The following CACNA1G variants were observed in gnomAD, a reference collection of about 807,000 sequenced individuals.
The protein encoded by CACNA1G is calcium voltage-gated channel subunit alpha1 G, also known as voltage-dependent T-type calcium channel subunit alpha-1G.
In CACNA1G, 67 loss-of-function variants were observed where a neutral mutation model predicts 219.4. The observed-to-expected ratio is 0.31, with a 90% CI of 0.25 to 0.37. The LOEUF is 0.37. CACNA1G is among the 10% of genes least tolerant of loss of function. The pLI is 1.00. For synonymous variants in CACNA1G, 1,296 were observed against 1,345.3 expected, an observed-to-expected ratio of 0.96 and a Z score of 0.80; for missense variants, 2,380 against 3,231.4, an observed-to-expected ratio of 0.74 and a Z score of 6.39.
chr17:50,578,552 A>G lies in CACNA1G; in HGVS notation c.2289A>G (p.Glu763=). The G allele has an allele frequency of 1.3e-6, 2 of 1,558,266 alleles. No individual in the cohort carries two copies. Among genetic ancestry groups the G allele is most frequent in the South Asian group, 1.2e-5 (1 of 81,830 alleles). Residue 763 remains glutamate, a synonymous_variant, in exon 9 of 38, where the codon GAA becomes GAG. Coordinates refer to ENST00000359106, the MANE Select transcript of CACNA1G (RefSeq NM_018896.5). This position sits in a 1 kb window ranked among gnomAD's most constrained non-coding sequence, Gnocchi z 4.5. The stretch of plus-strand genomic sequence containing the variant: ...TCAACACACTCAGCATGGGCATCGA[A>G]TACCACGAGCAGGTAGGAGAGTGGG... ...ILVNTLSMGI[E]YHEQPEELTN...
chr17:50,585,725 G>A (rs1366643805), intron 9 of CACNA1G, among the ~76,000 whole-genome samples: 2 of 152,166 alleles, frequency 1.3e-5, no homozygotes, highest in African/African-American at 4.8e-5. Flanking sequence ...AGGCCTGTGA[G>A]ATTTCCAGGA....
intron 1 of CACNA1G, 122 bp from the exon 2 acceptor site, chr17:50,568,748 G>A: frequency 2.6e-6 from 2 of 758,576 alleles, no homozygotes; most frequent in South Asian, 2.9e-5. Context: ...TCAGGGCCCT[G>A]GCACCACACC....
Position 50,603,316 on chromosome 17 carries a change from C to T in CACNA1G, c.4169+117C>T. ...AAGCCTGCACAGGCCAGCATCCTGT[C>T]TGTGACCCCCACAGGCGATCCTGTC... On this transcript the variant is annotated intron_variant, in intron 21 of 37. Coordinates refer to ENST00000359106, the MANE Select transcript of CACNA1G (RefSeq NM_018896.5). The surrounding 1 kb of genome is among the most constrained non-coding windows in gnomAD (Gnocchi z 6.4). The T allele has an allele frequency of 2.3e-6, 2 of 858,252 alleles. No individual in the cohort carries two copies. The allele number at this position is 858,252 out of a possible 1,614,324, so 53.2% of individuals were successfully genotyped here.
At position 50,603,817 on chromosome 17, in the gene CACNA1G, A is replaced by G. The variant is rs950240720; in HGVS notation, c.4170-338A>G. Among the ~76,000 whole-genome samples the G allele has an allele frequency of 6.6e-6, 1 of 151,406 alleles. No homozygotes were observed. The highest frequency in any genetic ancestry group is 1.5e-5 in the Non-Finnish European group (1 of 67,874). On this transcript the variant is annotated intron_variant, in intron 21 of 37. Transcript: ENST00000359106. The surrounding 1 kb of genome is among the most constrained non-coding windows in gnomAD (Gnocchi z 6.4). Reference sequence around the variant, plus strand: ...TTCCCCTCTCTGCCTGCTCCCCTACAAGTTTATCTCCTGGTGCCCCCAACC... The same window carrying G: ...TTCCCCTCTCTGCCTGCTCCCCTACGAGTTTATCTCCTGGTGCCCCCAACC...
chr17:50,590,675 G>A (rs929540736), intron 10 of CACNA1G, 53 bp downstream of exon 10: 14 of 1,575,988 alleles, frequency 8.9e-6, no homozygotes, highest in Middle Eastern at 3.4e-4. Context: ...AGCAGGGGTG[G>A]CTTGGGGCCA....
chr17:50,624,259 G>A (rs913453546), intron 36 of CACNA1G, 101 bp from the exon 37 acceptor site: 47 of 1,266,532 alleles, frequency 3.7e-5, no homozygotes, highest in Non-Finnish European at 5.2e-5. Flanking sequence ...CCTGATGAGG[G>A]GGAGAGAGTG....
chr17:50,591,456 GC>G lies in CACNA1G; in HGVS notation c.2476del (p.Gln826ArgfsTer13). On this transcript the variant is annotated frameshift_variant, in exon 11 of 38. Transcript: ENST00000359106. LOFTEE classifies it high-confidence loss of function. ...VISVWEIVGQ[Q>X]GGGLSVLRTF... Reference sequence around the variant, plus strand: ...GCAGCGTGTGGGAGATCGTGGGCCAGCAGGGGGGCGGCCTGTCGGTGCTGCG... The same window carrying G: ...GCAGCGTGTGGGAGATCGTGGGCCAGAGGGGGGCGGCCTGTCGGTGCTGCG... 1 of 1,587,002 alleles carries G rather than the reference GC, an allele frequency of 6.3e-7. No individual in the cohort carries two copies. The highest frequency in any genetic ancestry group is 8.6e-7 in the Non-Finnish European group (1 of 1,167,906).
At chr17:50,601,977 G>A (rs1030927052) in intron 19 of CACNA1G, among the ~76,000 whole-genome samples, 1 of 152,170 alleles carries the variant, frequency 6.6e-6, no homozygotes, top group African/African-American at 2.4e-5. Flanking sequence ...GGAGCCTGAG[G>A]AATGGCGGGA....
chr17:50,591,329 G>A (rs1270716139), intron 10 of CACNA1G, 106 bp from the exon 11 acceptor site: 37 of 1,162,948 alleles, frequency 3.2e-5, no homozygotes, highest in Middle Eastern at 2.5e-4. Context: ...ATTTTCTCTC[G>A]ACGTGCCCAC....
chr17:50,609,943 G>T lies in CACNA1G; in HGVS notation c.4759+8G>T. ...CAGCCAGCGCTGCGTCAGGTACTGC[G>T]TCTGGGGTGTGGGCTCATGCGTGTG... is the stretch of plus-strand genomic sequence containing the variant. On this transcript the variant is annotated splice_region_variant and intron_variant, in intron 26 of 37. Transcript: ENST00000359106. 1 of 1,608,904 alleles carries T rather than the reference G, an allele frequency of 6.2e-7. No individual in the cohort carries two copies.
chr17:50,571,144 T>G lies in CACNA1G; in HGVS notation c.587-734T>G, dbSNP rs2039355562. Among the ~76,000 whole-genome samples, 1 of 152,142 alleles carries G rather than the reference T, an allele frequency of 6.6e-6. No individual in the cohort carries two copies. The highest frequency in any genetic ancestry group is 6.5e-5 in the Admixed American group (1 of 15,278). Reference sequence around the variant, plus strand: ...TTTCCCTATGGAGGGGGTTGTAAATTGATGGACTTCTGAGAAGACAGTATT... The same window carrying G: ...TTTCCCTATGGAGGGGGTTGTAAATGGATGGACTTCTGAGAAGACAGTATT... On this transcript the variant is annotated intron_variant, in intron 4 of 37. Coordinates refer to ENST00000359106, the MANE Select transcript of CACNA1G (RefSeq NM_018896.5). The surrounding 1 kb of genome is among the most constrained non-coding windows in gnomAD (Gnocchi z 4.3).
At chr17:50,591,344 C>A in intron 10 of CACNA1G, 91 bp from the exon 11 acceptor site, 14 of 1,300,028 alleles carry the variant, frequency 1.1e-5, no homozygotes, top group Non-Finnish European at 1.4e-5. Flanking sequence ...GCCCACCCAG[C>A]CAGGCCCTTG....
chr17:50,578,074 AC>A lies in CACNA1G; in HGVS notation c.1925-110del. The A allele has an allele frequency of 7.8e-7, 1 of 1,289,570 alleles. No individual in the cohort carries two copies. Among genetic ancestry groups the A allele is most frequent in the African/African-American group, 1.5e-5 (1 of 67,140 alleles). The allele number at this position is 1,289,570 out of a possible 1,614,324, so 79.9% of individuals were successfully genotyped here. ...ACCCCTGGCCCACTAAGTGCCTAGC[AC>A]CCCATCACTGTAACAACCCCAGACT... On this transcript the variant is annotated intron_variant, in intron 8 of 37. Transcript: ENST00000359106. The surrounding 1 kb of genome is among the most constrained non-coding windows in gnomAD (Gnocchi z 4.5).
chr17:50,580,155 C>A (rs1018346093), intron 9 of CACNA1G, among the ~76,000 whole-genome samples: 2 of 152,102 alleles, frequency 1.3e-5, no homozygotes, highest in African/African-American at 2.4e-5. Context: ...GCGCACTTGA[C>A]ACCACGGTGG....
rs1405335858 is a variant in CACNA1G, at chr17:50,603,390, G to A, written c.4169+191G>A. Among the ~76,000 whole-genome samples, 1 of 152,140 alleles carries A rather than the reference G, an allele frequency of 6.6e-6. No homozygotes were observed. Among genetic ancestry groups the A allele is most frequent in the Admixed American group, 6.5e-5 (1 of 15,276 alleles). On this transcript the variant is annotated intron_variant, in intron 21 of 37. Coordinates refer to ENST00000359106, the MANE Select transcript of CACNA1G (RefSeq NM_018896.5). The surrounding 1 kb of genome is among the most constrained non-coding windows in gnomAD (Gnocchi z 6.4). ...TACGGCCGCAGTAATTTCCCTCCAG[G>A]TGCACACCTGCTTTCCTCCTCTTCA...
At position 50,578,463 on chromosome 17, in the gene CACNA1G, G is replaced by A; in HGVS notation, c.2200G>A (p.Asp734Asn). Reference protein sequence around the residue: ...SVLAFWRLICDTFRKIVDSKY... With the variant: ...SVLAFWRLICNTFRKIVDSKY... Reference sequence around the variant, plus strand: ...GCTGGCCTTCTGGAGGCTAATCTGTGACACCTTCCGAAAGATTGTGGACAG... The same window carrying A: ...GCTGGCCTTCTGGAGGCTAATCTGTAACACCTTCCGAAAGATTGTGGACAG... Residue 734 changes from aspartate (D) to asparagine (N), a missense_variant, in exon 9 of 38, where the codon GAC becomes AAC. By Grantham distance (23) the Asp-to-Asn change is conservative. Coordinates refer to ENST00000359106, the MANE Select transcript of CACNA1G (RefSeq NM_018896.5). The surrounding 1 kb of genome is among the most constrained non-coding windows in gnomAD (Gnocchi z 4.5). The A allele has an allele frequency of 6.3e-7, 1 of 1,596,688 alleles. No individual in the cohort carries two copies. Among genetic ancestry groups the A allele is most frequent in the Non-Finnish European group, 8.6e-7 (1 of 1,169,516 alleles).
rs372375481 is a variant in CACNA1G at position 50,599,665 on chromosome 17, C to G, written c.3496C>G (p.Arg1166Gly). The change falls in exon 17 of 38, where the codon CGG becomes GGG. Residue 1166 changes from arginine (R) to glycine (G), a missense_variant. Around this residue, in one of 17 missense-constraint regions of CACNA1G, gnomAD observed 418 missense variants for 434.3 expected, o/e 0.96. Transcript: ENST00000359106. ...SDHRHRGSLE[R>G]EAKSSFDLPD... is the part of the protein sequence containing the mutation. Reference sequence around the variant, plus strand: ...CCATCGCCACAGGGGGTCCCTGGAGCGGGAGGCCAAGAGTTCCTTTGACCT... The same window carrying G: ...CCATCGCCACAGGGGGTCCCTGGAGGGGGAGGCCAAGAGTTCCTTTGACCT... The G allele has an allele frequency of 1.2e-6, 2 of 1,612,952 alleles. No homozygotes were observed. Among genetic ancestry groups the G allele is most frequent in the Non-Finnish European group, 1.7e-6 (2 of 1,179,444 alleles).
chr17:50,575,842 C>A lies in CACNA1G; in HGVS notation c.1440C>A (p.Ser480Arg), dbSNP rs373474239. The A allele has an allele frequency of 6.5e-7, 1 of 1,549,664 alleles. No homozygotes were observed. The highest frequency in any genetic ancestry group is 8.7e-7 in the Non-Finnish European group (1 of 1,147,246). The change falls in exon 8 of 38, where the codon AGC becomes AGA. Residue 480 changes from serine (S) to arginine (R), a missense_variant. Ser to Arg is a moderately radical substitution (Grantham distance 110). Around this residue, in one of 17 missense-constraint regions of CACNA1G, gnomAD observed 434 missense variants for 417.3 expected, o/e 1.04. Coordinates refer to ENST00000359106, the MANE Select transcript of CACNA1G (RefSeq NM_018896.5). ...GGGGCCAGGAGACCCAGCCCAGCAG[C>A]AGCTGCTCTCGCTCCCACCGCCGCC... ...PLGGQETQPS[S>R]SCSRSHRRLS...
At position 50,618,257 on chromosome 17, in the gene CACNA1G, C is replaced by G; in HGVS notation, c.5341C>G (p.Arg1781Gly). 6.2e-7 allele frequency: 1 copy of G among 1,613,824 alleles called. No individual in the cohort carries two copies. The highest frequency in any genetic ancestry group is 8.5e-7 in the Non-Finnish European group (1 of 1,179,816). ...DETHPCEGLG[R>G]HATFRNFGMA... ...GACACACCCCTGTGAGGGCCTGGGCCGTCATGCCACCTTTCGGAACTTTGG... is the reference window on the plus strand; with the variant it reads ...GACACACCCCTGTGAGGGCCTGGGCGGTCATGCCACCTTTCGGAACTTTGG... The change falls in exon 32 of 38, where the codon CGT (arginine) becomes GGT (glycine). Residue 1781 changes from arginine (R) to glycine (G), a missense_variant. This residue lies in a region of CACNA1G where 123 missense variants were observed against 258.4 expected (regional missense o/e 0.48). Coordinates refer to ENST00000359106, the MANE Select transcript of CACNA1G (RefSeq NM_018896.5). The surrounding 1 kb of genome is among the most constrained non-coding windows in gnomAD (Gnocchi z 5.3).
Sources: allele counts gnomAD v4.1 joint callset (sites outside exome capture counted in the v4.1 genomes callset), GRCh38; gene constraint gnomAD v4.1.1; regional missense constraint gnomAD v4.1.1; non-coding constraint Gnocchi (gnomAD v3.1); transcripts MANE v1.5; gene names NCBI Gene and HGNC (gene_info 2026-07-23, HGNC 2026-07-21).